STOX2: variants seen among roughly 807,000 people sequenced by gnomAD.
The protein encoded by STOX2 is storkhead box 2.
Under a neutral mutation model 60.9 loss-of-function variants are expected in STOX2, and 28 were observed. The observed-to-expected ratio is 0.46, with a 90% CI of 0.34 to 0.63. STOX2 has a LOEUF of 0.63. Among genes scored for constraint, STOX2 ranks in the 30% least tolerant of loss-of-function variants. STOX2 has a pLI of 0.01. For synonymous variants in STOX2, 472 were observed against 463.9 expected (o/e 1.02, Z -0.22); for missense variants, 1,024 against 1,187.7 (o/e 0.86, Z 2.03).
In STOX2 at chr4:184,009,636, C is replaced by G. The variant is rs573930376; in HGVS notation, c.798C>G (p.Phe266Leu). 6.2e-7 allele frequency: 1 copy of G among 1,613,852 alleles called. No homozygotes were observed. The highest frequency in any genetic ancestry group is 1.7e-5 in the Admixed American group (1 of 60,022). The stretch of plus-strand genomic sequence containing the variant: ...ATAGTGAAAAGCAGTCAAAAAAATT[C>G]GGGCTAAAGTTATTCCGGTTAAGTT... ...PKDSEKQSKK[F>L]GLKLFRLSFK... The change falls in exon 3 of 4, where the codon TTC becomes TTG. Residue 266 changes from phenylalanine to leucine, a missense_variant. Physicochemically the swap from Phe to Leu is conservative, Grantham distance 22. Around this residue, in one of 3 missense-constraint regions of STOX2, gnomAD observed 922 missense variants for 1,058.3 expected, o/e 0.87. Transcript: ENST00000308497. This position sits in a 1 kb window ranked among gnomAD's most constrained non-coding sequence, Gnocchi z 4.0.
At position 183,825,650 on chromosome 4, in the gene STOX2, A is replaced by G. The variant is rs6854412; in HGVS notation, c.364+27595A>G. On this transcript the variant is annotated intron_variant, in intron 1 of 2. Coordinates refer to the STOX2 transcript ENST00000513034. The surrounding 1 kb of genome is among the most constrained non-coding windows in gnomAD (Gnocchi z 4.1). ...CAGGACTCGCGGTGAAGCCCTGAGCATGGGCTTCCATTGTTATTTTCTGAG... is the reference window on the plus strand; with the variant it reads ...CAGGACTCGCGGTGAAGCCCTGAGCGTGGGCTTCCATTGTTATTTTCTGAG... Among the ~76,000 whole-genome samples the G allele has an allele frequency of 0.064, 9,737 of 152,172 alleles. 1,004 individuals are homozygous for G. The highest frequency in any genetic ancestry group is 0.22 in the African/African-American group (9,117 of 41,486).
rs1239457839 is a variant in STOX2 at position 183,833,362 on chromosome 4, G to T, written c.364+35307G>T. Among the ~76,000 whole-genome samples the T allele has an allele frequency of 3.9e-5, 6 of 151,976 alleles. No individual in the cohort carries two copies. In the East Asian group the frequency reaches 1.2e-3, roughly 29 times the overall value. On this transcript the variant is annotated intron_variant, in intron 1 of 2. Transcript: ENST00000513034. ...TGCTTGGTAATGATGAAACTGGTGG[G>T]GGTTTTTGAATTACTCTTAAAAAGT... is the stretch of plus-strand genomic sequence containing the variant.
At chr4:183,838,904 A>G (rs1009301645) in intron 1 of STOX2, among the ~76,000 whole-genome samples, 2 of 152,260 alleles carry the variant, frequency 1.3e-5, no homozygotes, top group Non-Finnish European at 1.5e-5. Context: ...AGAGAGGTAT[A>G]TATGAGCAGT....
chr4:183,933,758 G>A (rs1313834079), intron 1 of STOX2, among the ~76,000 whole-genome samples: 1 of 152,026 alleles, frequency 6.6e-6, no homozygotes, highest in African/African-American at 2.4e-5. Context: ...ACATTTATGA[G>A]GTAATTAGAA....
Position 184,009,207 on chromosome 4 carries a change from G to A in STOX2, c.369G>A (p.Leu123=). The A allele has an allele frequency of 6.4e-7, 1 of 1,557,048 alleles. No individual in the cohort carries two copies. Among genetic ancestry groups the A allele is most frequent in the Non-Finnish European group, 8.7e-7 (1 of 1,143,992 alleles). ...TTCTGCGGCACACGCTGAACACGCT[G>A]GTACGGGAGAGGAAGATCTACCCAA... is the stretch of plus-strand genomic sequence containing the variant. ...QEILRHTLNT[L]VRERKIYPTP... The change falls in exon 3 of 4, where the codon CTG becomes CTA. Residue 123 remains leucine, a synonymous_variant. Coordinates refer to ENST00000308497, the MANE Select transcript of STOX2 (RefSeq NM_020225.3). The surrounding 1 kb of genome is among the most constrained non-coding windows in gnomAD (Gnocchi z 4.0).
chr4:183,999,830 G>C (rs1733508232), intron 1 of STOX2, among the ~76,000 whole-genome samples: 1 of 152,148 alleles, frequency 6.6e-6, no homozygotes, highest in Admixed American at 6.5e-5. Context: ...GGCTTTAAGT[G>C]CCTGACAGTG....
intron 1 of STOX2, among the ~76,000 whole-genome samples, chr4:183,919,056 C>T (rs1456802802): frequency 6.6e-6 from 1 of 152,210 alleles, no homozygotes; most frequent in Non-Finnish European, 1.5e-5. Flanking sequence ...AACTTGCTTT[C>T]TATGGTTATG....
rs146533584 is a variant in STOX2 at position 183,858,458 on chromosome 4, C to T, written c.364+60403C>T. Among the ~76,000 whole-genome samples, 444 of 152,352 alleles carry T rather than the reference C, an allele frequency of 2.9e-3. 6 individuals are homozygous for T. The Middle Eastern group carries it at 0.048, about 16-fold the overall frequency. Reference sequence around the variant, plus strand: ...TTTCCATTCCTGTTGCCTCTGCCCACGGCCGGAGCCTCCCTGCCTCATTCG... The same window carrying T: ...TTTCCATTCCTGTTGCCTCTGCCCATGGCCGGAGCCTCCCTGCCTCATTCG... On this transcript the variant is annotated intron_variant, in intron 1 of 2. Transcript: ENST00000513034.
intron 1 of STOX2, among the ~76,000 whole-genome samples, chr4:183,816,433 C>T (rs769147006): frequency 7.9e-5 from 12 of 152,042 alleles, no homozygotes; most frequent in African/African-American, 2.2e-4. Flanking sequence ...CACTTATAAG[C>T]GGGAGCAAAA....
intron 1 of STOX2, among the ~76,000 whole-genome samples, chr4:183,927,908 C>T (rs1223715457): frequency 6.6e-6 from 1 of 152,206 alleles, no homozygotes. Flanking sequence ...GGCACCCAGG[C>T]ATCCCACCAA....
intron 1 of STOX2, among the ~76,000 whole-genome samples, chr4:183,946,752 A>G (rs1742904312): frequency 6.6e-6 from 1 of 151,640 alleles, no homozygotes; most frequent in Non-Finnish European, 1.5e-5. Context: ...CACCCTCCTG[A>G]GTAGCTGGGA....
intron 1 of STOX2, among the ~76,000 whole-genome samples, chr4:183,812,925 C>T (rs17075045): frequency 0.27 from 41,781 of 152,100 alleles, 6,737 homozygotes; most frequent in African/African-American, 0.45. Context: ...AGATATTTCA[C>T]ACACTGCCTT....
rs138683461 is a variant in STOX2 at position 183,815,772 on chromosome 4, C to T, written c.364+17717C>T. On this transcript the variant is annotated intron_variant, in intron 1 of 2. Coordinates refer to the STOX2 transcript ENST00000513034. ...ACGAGATCTTTTGAATGAGGTCTCT[C>T]GAACACTGCATGGGCAACAAATGCG... Among the ~76,000 whole-genome samples the T allele has an allele frequency of 3.3e-3, 496 of 152,200 alleles. 3 individuals carry two copies. Among genetic ancestry groups the T allele is most frequent in the African/African-American group, 0.011 (443 of 41,536 alleles).
intron 1 of STOX2, among the ~76,000 whole-genome samples, chr4:183,936,495 T>C (rs984719170): frequency 6.6e-6 from 1 of 150,538 alleles, no homozygotes; most frequent in Non-Finnish European, 1.5e-5. Context: ...TGATAGTATC[T>C]TTTTTTTTCT....
At chr4:183,885,102 T>A (rs1011156559) in intron 1 of STOX2, among the ~76,000 whole-genome samples, 1 of 152,184 alleles carries the variant, frequency 6.6e-6, no homozygotes, top group South Asian at 2.1e-4. Flanking sequence ...CTTCTGGTAA[T>A]TGGGGCCACA....
At chr4:183,991,298 C>T (rs1733093421) in intron 1 of STOX2, among the ~76,000 whole-genome samples, 1 of 152,208 alleles carries the variant, frequency 6.6e-6, no homozygotes, top group South Asian at 2.1e-4. Flanking sequence ...AAGACCTCTG[C>T]ACTCTTAGCC....
chr4:183,865,863 C>G lies in STOX2; in HGVS notation c.364+67808C>G, dbSNP rs1253052626. ...GGGTCATTTTTTGGAAGGCTTTTTT[C>G]TTTTTAACCACTTAGGCATTGTGAG... On this transcript the variant is annotated intron_variant, in intron 1 of 2. Transcript: ENST00000513034. This position sits in a 1 kb window ranked among gnomAD's most constrained non-coding sequence, Gnocchi z 4.1. 6.6e-6 allele frequency among the ~76,000 whole-genome samples: 1 copy of G among 151,988 alleles called. No homozygotes were observed. The highest frequency in any genetic ancestry group is 1.5e-5 in the Non-Finnish European group (1 of 67,960).
chr4:183,809,500 G>A (rs972836096), intron 1 of STOX2, among the ~76,000 whole-genome samples: 4 of 152,208 alleles, frequency 2.6e-5, no homozygotes, highest in Non-Finnish European at 5.9e-5. Context: ...CCTTGTTCAA[G>A]TGATTCTTCT....
chr4:183,987,659 G>T lies in STOX2; in HGVS notation c.167-13666G>T, dbSNP rs1367630378. On this transcript the variant is annotated intron_variant, in intron 1 of 3. Coordinates refer to ENST00000308497, the MANE Select transcript of STOX2 (RefSeq NM_020225.3). ...TTCCCCACGCCGCCCTCCTCGCAGC[G>T]GCAGAAGCCGCACTGGCTGGTGCTG... is the stretch of plus-strand genomic sequence containing the variant. 2.6e-5 allele frequency: 4 copies of T among 152,338 alleles called. No individual in the cohort carries two copies. The East Asian group carries it at 7.7e-4, about 29-fold the overall frequency. The allele number at this position is 152,338 out of a possible 1,614,324, so 9.4% of individuals were successfully genotyped here. A position where few individuals can be genotyped will look rare whatever the true frequency, so the allele number is the denominator to read the frequency against.
Sources: gnomAD v4.1 joint callset for allele counts (sites outside exome capture counted in the v4.1 genomes callset) on GRCh38, gnomAD v4.1.1 for gene constraint, gnomAD v4.1.1 regional missense constraint, Gnocchi (gnomAD v3.1) non-coding constraint, MANE v1.5 for transcripts, NCBI Gene and HGNC (gene_info 2026-07-23, HGNC 2026-07-21) for gene names.